SRGAP1: variants seen among roughly 807,000 people sequenced by gnomAD.
The protein encoded by SRGAP1 is SLIT-ROBO Rho GTPase activating protein 1, also known as SLIT-ROBO Rho GTPase-activating protein 1.
SRGAP1 carries 43 observed loss-of-function variants against 121.9 expected under a neutral mutation model. The ratio of observed to expected loss-of-function variants is 0.35; its 90% CI spans 0.28 to 0.46. The LOEUF (loss-of-function observed/expected upper bound fraction) is 0.46, where lower values mean the gene tolerates loss of function less well. Among genes scored for constraint, SRGAP1 ranks in the 20% least tolerant of loss-of-function variants. SRGAP1 has a pLI of 1.00. For synonymous variants in SRGAP1, 447 were observed against 485.4 expected, an observed-to-expected ratio of 0.92 and a Z score of 1.04; for missense variants, 1,102 against 1,350.9, an observed-to-expected ratio of 0.82 and a Z score of 2.89.
intron 6 of SRGAP1, among the ~76,000 whole-genome samples, chr12:64,049,197 G>A (rs2136515329): frequency 6.6e-6 from 1 of 152,222 alleles, no homozygotes; most frequent in African/African-American, 2.4e-5. Flanking sequence ...AGAGATAGAG[G>A]TCTAGTTTCA....
chr12:64,142,653 A>G lies in SRGAP1; in HGVS notation c.3239A>G (p.Asp1080Gly). 1.2e-6 allele frequency: 2 copies of G among 1,614,022 alleles called. No individual in the cohort carries two copies. The highest frequency in any genetic ancestry group is 2.2e-5 in the South Asian group (2 of 91,062). The change falls in exon 22 of 22, where the codon GAC becomes GGC. Residue 1080 changes from aspartate (D) to glycine (G), a missense_variant. This residue lies in a region of SRGAP1 where 315 missense variants were observed against 343.1 expected (regional missense o/e 0.92). Transcript: ENST00000355086. ...GCCCCACCTCCCCAGGGTCCAACAG[A>G]CAAGTCATGCACAATGTAAAAACCA... Reference protein sequence around the residue: ...GPAPPPQGPTDKSCTM With the variant: ...GPAPPPQGPTGKSCTM
chr12:64,015,589 A>G (rs983519324), intron 3 of SRGAP1, among the ~76,000 whole-genome samples: 1 of 152,140 alleles, frequency 6.6e-6, no homozygotes, highest in Admixed American at 6.5e-5. Context: ...TTTATCTTCC[A>G]TGAGTCTTCA....
intron 18 of SRGAP1, among the ~76,000 whole-genome samples, chr12:64,122,288 T>C (rs1332289247): frequency 6.6e-6 from 1 of 152,168 alleles, no homozygotes; most frequent in Non-Finnish European, 1.5e-5. Flanking sequence ...AGTAGCAGCA[T>C]TCTATGAAGT....
chr12:63,918,308 G>A (rs371990741), intron 1 of SRGAP1, among the ~76,000 whole-genome samples: 10 of 152,168 alleles, frequency 6.6e-5, no homozygotes, highest in African/African-American at 2.4e-4. Flanking sequence ...ACCCAGTGAA[G>A]TTAAGCAACT....
intron 4 of SRGAP1, among the ~76,000 whole-genome samples, chr12:64,031,504 T>A (rs1028185319): frequency 6.6e-6 from 1 of 151,960 alleles, no homozygotes; most frequent in African/African-American, 2.4e-5. Flanking sequence ...ACCAACCACC[T>A]CCTTTGTAGG....
chr12:63,900,407 G>A (rs1281947837), intron 1 of SRGAP1, among the ~76,000 whole-genome samples: 1 of 151,614 alleles, frequency 6.6e-6, no homozygotes, highest in African/African-American at 2.4e-5. Context: ...GAGTTTCACT[G>A]TGTTAGCCAG....
chr12:63,895,356 C>T (rs1191623845), intron 1 of SRGAP1, among the ~76,000 whole-genome samples: 3 of 152,066 alleles, frequency 2.0e-5, no homozygotes, highest in Non-Finnish European at 2.9e-5. Flanking sequence ...AGCCCTCTGC[C>T]GTCCAATACA....
intron 3 of SRGAP1, among the ~76,000 whole-genome samples, chr12:64,002,212 T>C (rs1486932830): frequency 3.9e-5 from 6 of 152,178 alleles, no homozygotes; most frequent in Non-Finnish European, 5.9e-5. Context: ...TTCATTTTTC[T>C]CGCTACTTCC....
intron 1 of SRGAP1, among the ~76,000 whole-genome samples, chr12:63,864,118 T>C (rs1323228046): frequency 6.6e-6 from 1 of 152,210 alleles, no homozygotes; most frequent in Non-Finnish European, 1.5e-5. Context: ...TTAAACTTAA[T>C]TTAATAGTAT....
Position 64,149,710 on chromosome 12 carries a change from T to C in SRGAP1, c.*7038T>C, listed in dbSNP as rs995373185. On this transcript the variant is annotated 3_prime_UTR_variant, in exon 22 of 22. Coordinates refer to ENST00000355086, the MANE Select transcript of SRGAP1 (RefSeq NM_020762.4). ...GTTTGCTGGCTTCTGCCTTGAGTAG[T>C]TGGGACTCCTAAAAAGGAAAATTCC... is the stretch of plus-strand genomic sequence containing the variant. 8.5e-5 allele frequency: 13 copies of C among 152,260 alleles called. No homozygotes were observed. Among genetic ancestry groups the C allele is most frequent in the African/African-American group, 3.1e-4 (13 of 41,534 alleles). The allele number at this position is 152,260 out of a possible 1,614,324, so 9.4% of individuals were successfully genotyped here. A position where few individuals can be genotyped will look rare whatever the true frequency, so the allele number is the denominator to read the frequency against.
intron 1 of SRGAP1, among the ~76,000 whole-genome samples, chr12:63,968,253 T>C (rs2032841666): frequency 6.6e-6 from 1 of 152,232 alleles, no homozygotes; most frequent in Non-Finnish European, 1.5e-5. Context: ...AGTTACAAAA[T>C]GGTAGGCCAT....
chr12:63,894,636 G>A (rs1042866480), intron 1 of SRGAP1, among the ~76,000 whole-genome samples: 9 of 151,848 alleles, frequency 5.9e-5, no homozygotes, highest in African/African-American at 1.4e-4. Flanking sequence ...CCCACCCCAC[G>A]ACAGGCCCCG....
intron 1 of SRGAP1, among the ~76,000 whole-genome samples, chr12:63,925,494 A>G (rs1592951273): frequency 6.6e-6 from 1 of 152,208 alleles, no homozygotes; most frequent in East Asian, 1.9e-4. Context: ...CAAAATTATC[A>G]TGCACATTCA....
chr12:63,872,127 C>T lies in SRGAP1; in HGVS notation c.67+27244C>T. 3 of 494,634 alleles carry T rather than the reference C, an allele frequency of 6.1e-6. No homozygotes were observed. The South Asian group carries it at 9.5e-5, about 16-fold the overall frequency. The allele number at this position is 494,634 out of a possible 1,614,324, so 30.6% of individuals were successfully genotyped here. A position where few individuals can be genotyped will look rare whatever the true frequency, so the allele number is the denominator to read the frequency against. On this transcript the variant is annotated intron_variant, in intron 1 of 21. Coordinates refer to ENST00000355086, the MANE Select transcript of SRGAP1 (RefSeq NM_020762.4). ...CTTGCCTTGTACAGCTCTCACCTAA[C>T]CGGGAGTTTTTCTTTAAATGGAACA...
At chr12:63,972,784 G>A (rs1799273519) in intron 1 of SRGAP1, among the ~76,000 whole-genome samples, 1 of 152,162 alleles carries the variant, frequency 6.6e-6, no homozygotes, top group African/African-American at 2.4e-5. Flanking sequence ...GAAATACTAG[G>A]AAATTAGTTT....
chr12:63,937,990 A>G (rs1164641837), intron 1 of SRGAP1, among the ~76,000 whole-genome samples: 2 of 152,224 alleles, frequency 1.3e-5, no homozygotes, highest in African/African-American at 4.8e-5. Flanking sequence ...TGACCAGGTC[A>G]GCCAAAAAGT....
At chr12:63,913,829 A>C (rs571511913) in intron 1 of SRGAP1, among the ~76,000 whole-genome samples, 64 of 152,236 alleles carry the variant, frequency 4.2e-4, no homozygotes, top group Admixed American at 3.1e-3. Context: ...ATCTAATAAT[A>C]AAAATTGGAG....
chr12:63,904,169 A>C (rs1448380195), intron 1 of SRGAP1, among the ~76,000 whole-genome samples: 5 of 152,098 alleles, frequency 3.3e-5, no homozygotes, highest in Admixed American at 3.3e-4. Context: ...TTGTACACCA[A>C]CAACTATGCT....
chr12:63,913,122 A>G (rs933141079), intron 1 of SRGAP1, among the ~76,000 whole-genome samples: 1 of 140,988 alleles, frequency 7.1e-6, no homozygotes, highest in Admixed American at 7.2e-5. Context: ...CCTACCTCCC[A>G]TGTTTTATTC....
Sources: allele counts gnomAD v4.1 joint callset (sites outside exome capture counted in the v4.1 genomes callset), GRCh38; gene constraint gnomAD v4.1.1; regional missense constraint gnomAD v4.1.1; transcripts MANE v1.5; gene names NCBI Gene and HGNC (gene_info 2026-07-23, HGNC 2026-07-21).